Variants in IRS2 observed in about 807,000 individuals in gnomAD.
IRS2 encodes insulin receptor substrate 2.
IRS2 carries 28 observed loss-of-function variants against 70.9 expected under a neutral mutation model. That is an observed-to-expected ratio of 0.39 (90% CI 0.29 to 0.54). The LOEUF is 0.54. Ranked by LOEUF, IRS2 falls within the 20% of genes least tolerant of loss-of-function variation. The pLI is 0.59. For missense variants in IRS2, 2,081 were observed against 2,024.1 expected (o/e 1.03, Z -0.54); for synonymous variants, 1,217 against 981.9 (o/e 1.24, Z -4.48).
In IRS2 at chr13:109,785,861, C is replaced by T; in HGVS notation, c.193G>A (p.Gly65Arg). 1 of 1,512,552 alleles carries T rather than the reference C, an allele frequency of 6.6e-7. No homozygotes were observed. The highest frequency in any genetic ancestry group is 2.5e-5 in the East Asian group (1 of 39,264). 93.7% of individuals were successfully genotyped at this position (1,512,552 alleles called of 1,614,324 possible). Residue 65 changes from glycine to arginine, a missense_variant, in exon 1 of 2, where the codon GGG (glycine) becomes AGG (arginine). Physicochemically the swap from Gly to Arg is moderately radical, Grantham distance 125. Around this residue, in one of 4 missense-constraint regions of IRS2, gnomAD observed 320 missense variants for 352.9 expected, o/e 0.91. Transcript: ENST00000375856. This position sits in a 1 kb window ranked among gnomAD's most constrained non-coding sequence, Gnocchi z 9.3. ...AGGDEATAGGGSAPQPPRLEY... is the reference protein window; with the variant it reads ...AGGDEATAGGRSAPQPPRLEY... ...AGCCGCGGCGGTTGCGGCGCCGACC[C>T]CCCGCCCGCCGTCGCCTCGTCGCCG...
chr13:109,760,076 C>T (rs1391858254), intron 1 of IRS2, among the ~76,000 whole-genome samples: 1 of 152,212 alleles, frequency 6.6e-6, no homozygotes, highest in Non-Finnish European at 1.5e-5. Flanking sequence ...AATCATCTGA[C>T]ATCCTCAACC....
At chr13:109,777,384 C>T (rs2138924979) in intron 1 of IRS2, among the ~76,000 whole-genome samples, 1 of 152,300 alleles carries the variant, frequency 6.6e-6, no homozygotes, top group East Asian at 1.9e-4. Context: ...CCATTATACT[C>T]ATGCTGTTAC....
intron 1 of IRS2, among the ~76,000 whole-genome samples, chr13:109,759,257 G>T (rs1390641460): frequency 6.6e-6 from 1 of 152,162 alleles, no homozygotes; most frequent in African/African-American, 2.4e-5. Flanking sequence ...GCGGGCACAG[G>T]CCTGTGGTTT....
intron 1 of IRS2, among the ~76,000 whole-genome samples, chr13:109,778,712 T>C (rs758248953): frequency 6.6e-6 from 1 of 152,210 alleles, no homozygotes; most frequent in African/African-American, 2.4e-5. Context: ...TGATAATCCT[T>C]TTATTCAACA....
chr13:109,782,911 G>T lies in IRS2; in HGVS notation c.3143C>A (p.Ser1048Ter). The T allele has an allele frequency of 6.5e-7, 1 of 1,546,284 alleles. No homozygotes were observed. The highest frequency in any genetic ancestry group is 8.7e-7 in the Non-Finnish European group (1 of 1,145,014). Residue 1048 changes from serine (S) to a stop codon, truncating the protein, a stop_gained, in exon 1 of 2, where the codon TCG (serine) becomes TAG (stop). Coordinates refer to ENST00000375856, the MANE Select transcript of IRS2 (RefSeq NM_003749.3). LOFTEE classifies it high-confidence loss of function. ...CGGGCCCTGGGCGGTGGCAACGGCC[G>T]AGGCGGGGGGCAGGCGGTACAGCTC... is the stretch of plus-strand genomic sequence containing the variant. The part of the protein sequence containing the change: ...PGELYRLPPA[S>*]AVATAQGPGA...
Position 109,784,222 on chromosome 13 carries a change from C to T in IRS2, c.1832G>A (p.Arg611His), listed in dbSNP as rs45545638. 3 of 1,567,976 alleles carry T rather than the reference C, an allele frequency of 1.9e-6. No individual in the cohort carries two copies. In the Admixed American group the frequency reaches 5.3e-5, roughly 28 times the overall value. The change falls in exon 1 of 2, where the codon CGC becomes CAC. Residue 611 changes from arginine to histidine, a missense_variant. By Grantham distance (29) the Arg-to-His change is conservative. Around this residue, in one of 4 missense-constraint regions of IRS2, gnomAD observed 1,615 missense variants for 1,459.5 expected, o/e 1.11. Transcript: ENST00000375856. This position sits in a 1 kb window ranked among gnomAD's most constrained non-coding sequence, Gnocchi z 5.2. Reference protein sequence around the residue: ...MRATFSGSAGRLCPSCPASSP... With the variant: ...MRATFSGSAGHLCPSCPASSP... ...GGACGCGGGGCAGGACGGGCAGAGG[C>T]GGCCCGCGCTGCCCGAGAAGGTGGC...
At chr13:109,778,306 T>G (rs1430164531) in intron 1 of IRS2, among the ~76,000 whole-genome samples, 1 of 152,226 alleles carries the variant, frequency 6.6e-6, no homozygotes, top group Non-Finnish European at 1.5e-5. Context: ...GTTTCCTGAT[T>G]CCTGGTTTAG....
At chr13:109,767,804 C>T (rs4773086) in intron 1 of IRS2, among the ~76,000 whole-genome samples, 1 of 147,602 alleles carries the variant, frequency 6.8e-6, no homozygotes, top group Non-Finnish European at 1.5e-5. Context: ...GCAATCTCGG[C>T]TCGCTGCAAC....
rs368241549 is a variant in IRS2, at chr13:109,761,341, A to C, written c.4013-5033T>G. Among the ~76,000 whole-genome samples, 5 of 152,396 alleles carry C rather than the reference A, an allele frequency of 3.3e-5. No individual in the cohort carries two copies. In the East Asian group the frequency reaches 5.8e-4, roughly 18 times the overall value. ...AAATACTGATGTACTTGACAAAATG[A>C]AACGATACACTTCTTAAAATTAAAA... On this transcript the variant is annotated intron_variant, in intron 1 of 1. Coordinates refer to ENST00000375856, the MANE Select transcript of IRS2 (RefSeq NM_003749.3).
At chr13:109,781,923 G>A in intron 1 of IRS2, 119 bp downstream of exon 1, 1 of 1,112,934 alleles carries the variant, frequency 9.0e-7, no homozygotes, top group Non-Finnish European at 1.3e-6. Flanking sequence ...AGGAGCCAGT[G>A]CCAGGCTGTC....
At chr13:109,780,036 G>T (rs1161492269) in intron 1 of IRS2, among the ~76,000 whole-genome samples, 1 of 152,132 alleles carries the variant, frequency 6.6e-6, no homozygotes, top group African/African-American at 2.4e-5. Flanking sequence ...CTCCAGGCCT[G>T]GAGGCACAAA....
chr13:109,772,156 CG>C (rs1877465771), intron 1 of IRS2, among the ~76,000 whole-genome samples: 1 of 152,188 alleles, frequency 6.6e-6, no homozygotes, highest in Non-Finnish European at 1.5e-5. Flanking sequence ...ATGACGGGAT[CG>C]GGGGCGGCTT....
Position 109,768,829 on chromosome 13 carries a change from G to A in IRS2, c.4013-12521C>T, listed in dbSNP as rs1258972117. On this transcript the variant is annotated intron_variant, in intron 1 of 1. Transcript: ENST00000375856. ...GACTGGGAAAGTTTCTCCAACAGCA[G>A]GAGCCAGGCTCAACGGCGGGGCAGG... 3.9e-5 allele frequency among the ~76,000 whole-genome samples: 6 copies of A among 152,132 alleles called. No individual in the cohort carries two copies. In the East Asian group the frequency reaches 9.6e-4, roughly 24 times the overall value.
intron 1 of IRS2, among the ~76,000 whole-genome samples, chr13:109,774,571 C>T (rs1415613017): frequency 6.6e-6 from 1 of 152,004 alleles, no homozygotes; most frequent in Non-Finnish European, 1.5e-5. Flanking sequence ...GTAATTATTG[C>T]ATATGAGCTT....
In IRS2 at chr13:109,754,907, GACTATCAGAGAAGATAGGC is replaced by G. The variant is rs956684569; in HGVS notation, c.*1378_*1396del. Reference sequence around the variant, plus strand: ...CAATGAATTAGTGTAACCTCTCCATGACTATCAGAGAAGATAGGCACTGGGGAAGCCCCCACGGGAGGAG... The same window carrying G: ...CAATGAATTAGTGTAACCTCTCCATGACTGGGGAAGCCCCCACGGGAGGAG... On this transcript the variant is annotated 3_prime_UTR_variant, in exon 2 of 2. Transcript: ENST00000375856. 1 of 215,530 alleles carries G rather than the reference GACTATCAGAGAAGATAGGC, an allele frequency of 4.6e-6. No homozygotes were observed. Among genetic ancestry groups the G allele is most frequent in the Non-Finnish European group, 9.3e-6 (1 of 107,150 alleles). The allele number at this position is 215,530 out of a possible 1,614,324, so 13.4% of individuals were successfully genotyped here. A position where few individuals can be genotyped will look rare whatever the true frequency, so the allele number is the denominator to read the frequency against.
rs1299227081 is a variant in IRS2, at chr13:109,782,496, G to T, written c.3558C>A (p.Ser1186Arg). The change falls in exon 1 of 2, where the codon AGC becomes AGA. Residue 1186 changes from serine to arginine, a missense_variant. By Grantham distance (110) the Ser-to-Arg change is moderately radical. Transcript: ENST00000375856. ...SVENVSLRKS[S>R]EGGVGVGPGG... ...CAGGGCCGACACCCACGCCGCCCTC[G>T]CTGCTTTTCCTGAGAGAGACATTTT... 1.3e-6 allele frequency: 2 copies of T among 1,553,348 alleles called. No individual in the cohort carries two copies. Among genetic ancestry groups the T allele is most frequent in the Non-Finnish European group, 8.7e-7 (1 of 1,149,468 alleles).
intron 1 of IRS2, among the ~76,000 whole-genome samples, chr13:109,780,045 A>T (rs1454467231): frequency 1.3e-5 from 2 of 152,064 alleles, no homozygotes; most frequent in Admixed American, 6.5e-5. Flanking sequence ...TGGAGGCACA[A>T]ATTCCAGCTT....
intron 1 of IRS2, among the ~76,000 whole-genome samples, chr13:109,779,738 G>T (rs1877655686): frequency 6.6e-6 from 1 of 152,098 alleles, no homozygotes; most frequent in African/African-American, 2.4e-5. Context: ...TTAGAAGAGG[G>T]TTCATCATGA....
In IRS2 at chr13:109,784,839, C is replaced by T; in HGVS notation, c.1215G>A (p.Leu405=). ...VRAPLSRSHT[L]SGGCGGRGSK... Reference sequence around the variant, plus strand: ...TCCCGCGGCCGCCGCAGCCGCCGCTCAGGGTGTGCGAGCGGCTCAGGGGCG... The same window carrying T: ...TCCCGCGGCCGCCGCAGCCGCCGCTTAGGGTGTGCGAGCGGCTCAGGGGCG... The change falls in exon 1 of 2, where the codon CTG becomes CTA. Residue 405 remains leucine (L), a synonymous_variant. Coordinates refer to ENST00000375856, the MANE Select transcript of IRS2 (RefSeq NM_003749.3). The surrounding 1 kb of genome is among the most constrained non-coding windows in gnomAD (Gnocchi z 5.2). The T allele has an allele frequency of 8.0e-7, 1 of 1,245,696 alleles. No homozygotes were observed. The highest frequency in any genetic ancestry group is 1.0e-6 in the Non-Finnish European group (1 of 985,026). The allele number at this position is 1,245,696 out of a possible 1,614,324, so 77.2% of individuals were successfully genotyped here.
Sources: allele counts gnomAD v4.1 joint callset (sites outside exome capture counted in the v4.1 genomes callset), GRCh38; gene constraint gnomAD v4.1.1; regional missense constraint gnomAD v4.1.1; non-coding constraint Gnocchi (gnomAD v3.1); transcripts MANE v1.5; gene names NCBI Gene and HGNC (gene_info 2026-07-23, HGNC 2026-07-21).